Variants in PBRM1 observed in about 807,000 individuals in gnomAD.
PBRM1 encodes the protein polybromo 1.
Under a neutral mutation model 194.5 loss-of-function variants are expected in PBRM1, and 27 were observed. That is an observed-to-expected ratio of 0.14 (90% CI 0.10 to 0.19). The LOEUF is 0.19. PBRM1 is among the 10% of genes least tolerant of loss of function. PBRM1 has a pLI of 1.00. For synonymous variants in PBRM1, 655 were observed against 693.2 expected, an observed-to-expected ratio of 0.94 and a Z score of 0.87; for missense variants, 1,466 against 2,077.2, an observed-to-expected ratio of 0.71 and a Z score of 5.72.
At chr3:52,677,601 C>T (rs968796625) in intron 2 of PBRM1, among the ~76,000 whole-genome samples, 6 of 152,036 alleles carry the variant, frequency 3.9e-5, no homozygotes, top group Non-Finnish European at 5.9e-5. Context: ...TTAGTAGAGA[C>T]GGGGTTTCAC....
At chr3:52,561,992 G>A (rs375092462) in intron 24 of PBRM1, 24 bp from the exon 27 acceptor site, 34 of 1,581,558 alleles carry the variant, frequency 2.1e-5, no homozygotes, top group Non-Finnish European at 3.0e-5. Context: ...AGGTCTTATG[G>A]TGCATCAAAA....
intron 10 of PBRM1, among the ~76,000 whole-genome samples, chr3:52,638,722 T>C (rs893621982): frequency 1.3e-5 from 2 of 151,650 alleles, no homozygotes; most frequent in African/African-American, 4.8e-5. Context: ...GCCTACCAAG[T>C]AGGTAGGACT....
intron 15 of PBRM1, among the ~76,000 whole-genome samples, chr3:52,612,875 C>T (rs1210769839): frequency 8.3e-6 from 1 of 121,022 alleles, no homozygotes; most frequent in Admixed American, 1.0e-4. Flanking sequence ...CACTGCACTC[C>T]AGCCTGGGCA....
intron 6 of PBRM1, 74 bp downstream of exon 7, chr3:52,651,668 C>A: frequency 1.3e-6 from 1 of 777,104 alleles, no homozygotes; most frequent in South Asian, 2.0e-5. Context: ...TCTCTGTTTT[C>A]TAAAAGCTTC....
chr3:52,614,060 GA>G, intron 15 of PBRM1, among the ~76,000 whole-genome samples: 1 of 152,198 alleles, frequency 6.6e-6, no homozygotes, highest in East Asian at 1.9e-4. Flanking sequence ...AAATTTAGTT[GA>G]TAGTAATTTC....
chr3:52,567,163 T>C (rs1156839582), intron 22 of PBRM1, among the ~76,000 whole-genome samples: 3 of 151,568 alleles, frequency 2.0e-5, no homozygotes, highest in African/African-American at 7.3e-5. Context: ...CACTTAAAAC[T>C]GTTTTGCATC....
chr3:52,560,051 A>G (rs763860204), intron 25 of PBRM1, among the ~76,000 whole-genome samples: 9 of 152,138 alleles, frequency 5.9e-5, no homozygotes, highest in Non-Finnish European at 1.3e-4. Flanking sequence ...TTCAGATTTT[A>G]TGTCTCAGGT....
At position 52,576,713 on chromosome 3, in the gene PBRM1, T is replaced by C; in HGVS notation, c.3534-15A>G. 1 of 1,568,218 alleles carries C rather than the reference T, an allele frequency of 6.4e-7. No homozygotes were observed. Among genetic ancestry groups the C allele is most frequent in the Admixed American group, 1.9e-5 (1 of 51,296 alleles). On this transcript the variant is annotated splice_polypyrimidine_tract_variant and intron_variant, in intron 21 of 29. Coordinates refer to ENST00000296302, the Ensembl canonical transcript of PBRM1. ...CTTTTTCAATTCTTGGGGAGGAAAA[T>C]ATATAAATTACATTAAAATAGTTTC...
At chr3:52,576,286 G>A (rs924188811) in intron 22 of PBRM1, among the ~76,000 whole-genome samples, 1 of 152,104 alleles carries the variant, frequency 6.6e-6, no homozygotes, top group Non-Finnish European at 1.5e-5. Flanking sequence ...GTGCGGTGGT[G>A]CATGCCTATA....
At chr3:52,629,363 T>C (rs1045293824) in intron 11 of PBRM1, among the ~76,000 whole-genome samples, 4 of 152,210 alleles carry the variant, frequency 2.6e-5, no homozygotes, top group Admixed American at 6.5e-5. Flanking sequence ...AAAATCCTAA[T>C]AGTTCATACG....
chr3:52,668,671 G>A (rs771296215), intron 2 of PBRM1, 26 bp from the exon 4 acceptor site: 22 of 1,423,360 alleles, frequency 1.5e-5, no homozygotes, highest in Admixed American at 4.9e-5. Flanking sequence ...TTTTTTTAAA[G>A]GAGATTAATC....
chr3:52,561,720 A>C, intron 25 of PBRM1, 47 bp downstream of exon 27: 1 of 1,539,430 alleles, frequency 6.5e-7, no homozygotes, highest in Non-Finnish European at 9.0e-7. Flanking sequence ...TGCATTCCTG[A>C]AACACCCCCT....
rs999229214 is a variant in PBRM1, at chr3:52,548,105, G to A, written c.5028C>T (p.Asp1676=). ...TGTATGCTTGGCGAATGTTGAGGGT[G>A]TCCCGGAGCATCAAATCTCGAAGGC... Residue 1676 remains aspartate (D), a synonymous_variant, in exon 30 of 30, where the codon GAC becomes GAT. Coordinates refer to ENST00000296302, the Ensembl canonical transcript of PBRM1. 7 of 1,610,792 alleles carry A rather than the reference G, an allele frequency of 4.3e-6. No homozygotes were observed. In the South Asian group the frequency reaches 6.6e-5, roughly 15 times the overall value.
chr3:52,607,828 C>T (rs2094425620), intron 16 of PBRM1, among the ~76,000 whole-genome samples: 1 of 152,168 alleles, frequency 6.6e-6, no homozygotes, highest in Non-Finnish European at 1.5e-5. Context: ...TATTTCTACT[C>T]AATTGCTGAA....
chr3:52,642,025 C>T (rs1245408239), exon 10 of PBRM1: 1 of 1,578,364 alleles, frequency 6.3e-7, no homozygotes. Context: ...TAAACGACCT[C>T]CTTGTACTGC....
chr3:52,618,227 G>A (rs761293421), intron 13 of PBRM1, among the ~76,000 whole-genome samples: 14 of 152,092 alleles, frequency 9.2e-5, no homozygotes, highest in South Asian at 2.1e-4. Flanking sequence ...GCATGAATCC[G>A]TCTTGTTCTC....
At chr3:52,658,337 T>G (rs771942308) in intron 4 of PBRM1, 22 bp from the exon 6 acceptor site, 1 of 1,293,024 alleles carries the variant, frequency 7.7e-7, no homozygotes, top group East Asian at 2.3e-5. Context: ...GAGAAAAAAG[T>G]ACTTTCTAAG....
intron 25 of PBRM1, among the ~76,000 whole-genome samples, chr3:52,559,607 CACT>C (rs1461367108): frequency 1.3e-5 from 2 of 152,100 alleles, no homozygotes; most frequent in Non-Finnish European, 2.9e-5. Context: ...AACTCAACAC[CACT>C]GATTTCAGGA....
At chr3:52,657,930 T>C (rs1247997339) in intron 5 of PBRM1, among the ~76,000 whole-genome samples, 2 of 152,184 alleles carry the variant, frequency 1.3e-5, no homozygotes, top group East Asian at 3.9e-4. Flanking sequence ...TAGCTGGGAT[T>C]ATAGGCATGC....
Sources: gnomAD v4.1 joint callset for allele counts (sites outside exome capture counted in the v4.1 genomes callset) on GRCh38, gnomAD v4.1.1 for gene constraint, MANE v1.5 for transcripts, NCBI Gene and HGNC (gene_info 2026-07-23, HGNC 2026-07-21) for gene names.